GRM4: variants seen among roughly 807,000 people sequenced by gnomAD.
GRM4 encodes the protein glutamate metabotropic receptor 4.
In GRM4, 28 loss-of-function variants were observed where a neutral mutation model predicts 81.7. The ratio of observed to expected loss-of-function variants is 0.34; its 90% CI spans 0.25 to 0.47. The LOEUF (loss-of-function observed/expected upper bound fraction) is 0.47, where lower values mean the gene tolerates loss of function less well. Ranked by LOEUF, GRM4 falls within the 20% of genes least tolerant of loss-of-function variation. The probability of loss-of-function intolerance (pLI) is 1.00; values close to 1 mark genes in which losing one functional copy is unlikely to be tolerated. For synonymous variants in GRM4, 488 were observed against 528.8 expected (o/e 0.92, Z 1.06); for missense variants, 948 against 1,290.0 (o/e 0.73, Z 4.06).
At chr6:34,024,506 G>A in intron 10 of GRM4, 1 of 370,196 alleles carries the variant, frequency 2.7e-6, no homozygotes, top group South Asian at 2.0e-5. Context: ...TCACAGCAGT[G>A]TAACTGGAAG....
intron 10 of GRM4, among the ~76,000 whole-genome samples, chr6:34,025,803 TA>T (rs1764104815): frequency 1.3e-5 from 2 of 152,130 alleles, no homozygotes; most frequent in South Asian, 4.1e-4. Flanking sequence ...CTCTCATCTG[TA>T]AGATGGGGTG....
chr6:34,019,021 C>G lies in GRM4; in HGVS notation c.*3800G>C, dbSNP rs1180160061. On this transcript the variant is annotated 3_prime_UTR_variant, in exon 11 of 11. Coordinates refer to ENST00000538487, the MANE Select transcript of GRM4 (RefSeq NM_000841.4). The stretch of plus-strand genomic sequence containing the variant: ...GTGAGGGTGTCAGAAAGAGGGGCGC[C>G]CAGCCTTATGCAGGCTCAGCATCTT... 1 of 152,400 alleles carries G rather than the reference C, an allele frequency of 6.6e-6. No individual in the cohort carries two copies. Among genetic ancestry groups the G allele is most frequent in the Middle Eastern group, 3.1e-3 (1 of 318 alleles). 9.4% of individuals were successfully genotyped at this position (152,400 alleles called of 1,614,324 possible).
intron 2 of GRM4, among the ~76,000 whole-genome samples, chr6:34,131,491 C>T (rs1770232001): frequency 6.6e-6 from 1 of 152,168 alleles, no homozygotes; most frequent in African/African-American, 2.4e-5. Context: ...TGACTGCATA[C>T]ACAGGTGGGC....
At chr6:34,149,800 A>C (rs1771009317), upstream of GRM4, among the ~76,000 whole-genome samples, 1 of 152,198 alleles carries the variant, frequency 6.6e-6, no homozygotes, top group Admixed American at 6.5e-5. Flanking sequence ...TGGAGTAATA[A>C]CTTGACTAAG....
intron 2 of GRM4, among the ~76,000 whole-genome samples, chr6:34,127,489 A>G (rs75013223): frequency 6.6e-6 from 1 of 152,242 alleles, no homozygotes; most frequent in East Asian, 1.9e-4. Context: ...TCAGACAGGA[A>G]AGGAGTTCAC....
intron 1 of GRM4, among the ~76,000 whole-genome samples, chr6:34,141,913 G>C (rs1342006367): frequency 6.6e-6 from 1 of 152,198 alleles, no homozygotes; most frequent in East Asian, 1.9e-4. Flanking sequence ...AGGCAGCAGG[G>C]AGAGGGAGCC....
intron 6 of GRM4, among the ~76,000 whole-genome samples, chr6:34,044,011 G>C (rs554573085): frequency 6.6e-6 from 1 of 151,848 alleles, no homozygotes; most frequent in Non-Finnish European, 1.5e-5. Context: ...ACCAGACCAG[G>C]AGGATGCCCA....
At chr6:34,032,606 A>C (rs1764493244) in intron 9 of GRM4, among the ~76,000 whole-genome samples, 1 of 152,226 alleles carries the variant, frequency 6.6e-6, no homozygotes, top group South Asian at 2.1e-4. Context: ...GTGTGAGGCC[A>C]GCCTGTCGTA....
In GRM4 at chr6:34,036,434, G is replaced by A. The variant is rs1433112638; in HGVS notation, c.1676C>T (p.Thr559Met). 12 of 1,613,426 alleles carry A rather than the reference G, an allele frequency of 7.4e-6. No homozygotes were observed. Among genetic ancestry groups the A allele is most frequent in the African/African-American group, 2.7e-5 (2 of 74,934 alleles). ...TGTGGGCCGCATGTCATAGGGACAC[G>A]TCTTACAGGTGTAGCGGTCCACCTG... ...QYQVDRYTCKTCPYDMRPTEN... is the reference protein window; with the variant it reads ...QYQVDRYTCKMCPYDMRPTEN... Residue 559 changes from threonine (T) to methionine (M), a missense_variant, in exon 9 of 11, where the codon ACG (threonine) becomes ATG (methionine). Transcript: ENST00000538487. This position sits in a 1 kb window ranked among gnomAD's most constrained non-coding sequence, Gnocchi z 9.0.
chr6:34,085,196 G>A (rs1259337108), intron 3 of GRM4, among the ~76,000 whole-genome samples: 1 of 152,198 alleles, frequency 6.6e-6, no homozygotes, highest in East Asian at 1.9e-4. Flanking sequence ...ACAGCACAGG[G>A]GCGAAATAAA....
intron 1 of GRM4, among the ~76,000 whole-genome samples, chr6:34,140,238 G>A (rs533549131): frequency 1.9e-4 from 29 of 152,256 alleles, no homozygotes; most frequent in African/African-American, 6.0e-4. Context: ...AACAGCAAGT[G>A]CAAAGGCCCT....
intron 5 of GRM4, among the ~76,000 whole-genome samples, chr6:34,057,571 C>A (rs899066879): frequency 6.6e-6 from 1 of 152,240 alleles, no homozygotes; most frequent in Non-Finnish European, 1.5e-5. Context: ...GACCTCTACC[C>A]ACTGGAGGCC....
At chr6:34,124,698 C>T (rs1199569177) in intron 2 of GRM4, among the ~76,000 whole-genome samples, 2 of 152,210 alleles carry the variant, frequency 1.3e-5, no homozygotes, top group Non-Finnish European at 1.5e-5. Context: ...TGAGACGGAC[C>T]GCTGCTCTAG....
intron 2 of GRM4, among the ~76,000 whole-genome samples, chr6:34,112,503 T>A (rs1469269655): frequency 1.3e-5 from 2 of 151,978 alleles, no homozygotes; most frequent in East Asian, 3.9e-4. Flanking sequence ...TGTTGTTGGG[T>A]CTTATCTGAT....
chr6:34,038,294 C>G (rs566250142), intron 8 of GRM4, among the ~76,000 whole-genome samples: 15 of 152,368 alleles, frequency 9.8e-5, no homozygotes, highest in African/African-American at 3.1e-4. Context: ...AGATATGAAG[C>G]CACTTTGCCC....
At chr6:34,081,636 G>A (rs1767599904) in intron 3 of GRM4, among the ~76,000 whole-genome samples, 2 of 152,256 alleles carry the variant, frequency 1.3e-5, no homozygotes, top group African/African-American at 4.8e-5. Flanking sequence ...TACAGTGGTA[G>A]AGGGTGGGGC....
chr6:34,039,092 A>G (rs1300144977), intron 8 of GRM4, among the ~76,000 whole-genome samples: 4 of 152,128 alleles, frequency 2.6e-5, no homozygotes, highest in Admixed American at 2.6e-4. Flanking sequence ...AGTGCTCCTC[A>G]CACCCTGTTG....
intron 4 of GRM4, 44 bp downstream of exon 4, chr6:34,061,849 C>G: frequency 6.3e-7 from 1 of 1,589,840 alleles, no homozygotes; most frequent in South Asian, 1.1e-5. Flanking sequence ...TTTGCCCACA[C>G]CTGCATGGCT....
chr6:34,039,841 C>T (rs535191145), intron 8 of GRM4, among the ~76,000 whole-genome samples: 3 of 151,644 alleles, frequency 2.0e-5, no homozygotes, highest in African/African-American at 7.3e-5. Flanking sequence ...CACTTGCCCA[C>T]CCAAAAAGCC....
Sources: gnomAD v4.1 joint callset for allele counts (sites outside exome capture counted in the v4.1 genomes callset) on GRCh38, gnomAD v4.1.1 for gene constraint, Gnocchi (gnomAD v3.1) non-coding constraint, MANE v1.5 for transcripts, NCBI Gene and HGNC (gene_info 2026-07-23, HGNC 2026-07-21) for gene names.